DPP10: variants seen among roughly 807,000 people sequenced by gnomAD.
DPP10 encodes dipeptidyl peptidase like 10.
A neutral mutation model predicts 120.9 loss-of-function variants in DPP10; 33 were observed. That is an observed-to-expected ratio of 0.27 (90% CI 0.21 to 0.37). The LOEUF (loss-of-function observed/expected upper bound fraction) is 0.37. Among genes scored for constraint, DPP10 ranks in the 10% least tolerant of loss-of-function variants. DPP10 has a pLI of 1.00. For synonymous variants in DPP10, 337 were observed against 326.1 expected, an observed-to-expected ratio of 1.03 and a Z score of -0.36; for missense variants, 816 against 942.8, an observed-to-expected ratio of 0.87 and a Z score of 1.76.
intron 7 of DPP10, among the ~76,000 whole-genome samples, chr2:115,705,702 TG>T (rs2092075607): frequency 6.6e-6 from 1 of 151,984 alleles, no homozygotes; most frequent in Non-Finnish European, 1.5e-5. Flanking sequence ...ACCACTTTTT[TG>T]TTGTTGTTTA....
At chr2:114,549,720 G>A (rs1687727434) in intron 1 of DPP10, among the ~76,000 whole-genome samples, 1 of 149,242 alleles carries the variant, frequency 6.7e-6, no homozygotes, top group South Asian at 2.2e-4. Flanking sequence ...AAAACATGTG[G>A]GTACAAACAG....
chr2:115,430,242 G>A (rs1002620925), intron 3 of DPP10, among the ~76,000 whole-genome samples: 1 of 152,078 alleles, frequency 6.6e-6, no homozygotes, highest in Non-Finnish European at 1.5e-5. Context: ...TGAATACAAG[G>A]TCAGTGCTCA....
chr2:115,219,170 A>G (rs2056999841), intron 1 of DPP10, among the ~76,000 whole-genome samples: 1 of 152,156 alleles, frequency 6.6e-6, no homozygotes, highest in South Asian at 2.1e-4. Flanking sequence ...TTAATTTTTC[A>G]TCCCAAGATG....
intron 1 of DPP10, among the ~76,000 whole-genome samples, chr2:114,643,881 ATGTG>A (rs760304812): frequency 7.0e-6 from 1 of 143,872 alleles, no homozygotes; most frequent in Non-Finnish European, 1.5e-5. Context: ...GTGTGTGTGT[ATGTG>A]TGTGTGTGTA....
intron 5 of DPP10, among the ~76,000 whole-genome samples, chr2:115,620,762 A>T (rs1443376090): frequency 6.6e-6 from 1 of 152,222 alleles, no homozygotes; most frequent in Non-Finnish European, 1.5e-5. Flanking sequence ...ATAGTTATTT[A>T]GGTAACTTCC....
intron 1 of DPP10, among the ~76,000 whole-genome samples, chr2:114,680,481 T>C (rs1021806002): frequency 2.0e-5 from 3 of 152,032 alleles, no homozygotes; most frequent in African/African-American, 7.2e-5. Context: ...ATTTATTCCC[T>C]AGATTCCTAC....
At position 114,727,293 on chromosome 2, in the gene DPP10, A is replaced by G. The variant is rs149144610; in HGVS notation, c.60+284455A>G. 4.3e-3 allele frequency among the ~76,000 whole-genome samples: 657 copies of G among 152,278 alleles called. 6 individuals are homozygous for G. The highest frequency in any genetic ancestry group is 0.015 in the African/African-American group (616 of 41,574). ...AGAAGCTCAGTGTGCTTCTGGTGAC[A>G]AGGTCTTCAGAGACTCTTCCTCGAG... On this transcript the variant is annotated intron_variant, in intron 1 of 25. Coordinates refer to ENST00000410059, the MANE Select transcript of DPP10 (RefSeq NM_020868.6).
intron 1 of DPP10, among the ~76,000 whole-genome samples, chr2:114,456,450 T>C (rs1678590822): frequency 6.6e-6 from 1 of 152,158 alleles, no homozygotes; most frequent in African/African-American, 2.4e-5. Context: ...AGGGTAAGAA[T>C]ATTAACAATA....
At chr2:115,195,683 A>T (rs770435615) in intron 1 of DPP10, among the ~76,000 whole-genome samples, 45 of 151,982 alleles carry the variant, frequency 3.0e-4, no homozygotes, top group Non-Finnish European at 5.3e-4. Flanking sequence ...TTTTTTGTTC[A>T]TTTAGAAGTG....
At chr2:115,178,181 GTTTA>G (rs2053833900) in intron 1 of DPP10, among the ~76,000 whole-genome samples, 3 of 152,020 alleles carry the variant, frequency 2.0e-5, no homozygotes, top group Admixed American at 1.3e-4. Flanking sequence ...GTGCAGGTGT[GTTTA>G]CTGTGCCCTT....
chr2:115,817,767 T>TG lies in DPP10; in HGVS notation c.1950+2039dup, dbSNP rs1687411495. ...TATATTAAAAAGTGAAATGAAATCC[T>TG]GTCTCAGACTGCAGCACTGTTAAGC... On this transcript the variant is annotated intron_variant, in intron 21 of 25. Coordinates refer to ENST00000410059, the MANE Select transcript of DPP10 (RefSeq NM_020868.6). 4.6e-5 allele frequency among the ~76,000 whole-genome samples: 7 copies of TG among 152,232 alleles called. No homozygotes were observed. The South Asian group carries it at 1.5e-3, about 32-fold the overall frequency.
chr2:114,777,602 G>C (rs970045788), intron 1 of DPP10, among the ~76,000 whole-genome samples: 5 of 152,020 alleles, frequency 3.3e-5, no homozygotes, highest in African/African-American at 9.7e-5. Context: ...CAGAGTTGCT[G>C]AATGTCTCGT....
chr2:115,816,974 C>T (rs1019716633), intron 21 of DPP10, among the ~76,000 whole-genome samples: 4 of 147,040 alleles, frequency 2.7e-5, no homozygotes, highest in Non-Finnish European at 4.5e-5. Context: ...AAAGGCCAGG[C>T]GCGGTGGCTC....
At chr2:115,061,484 T>C (rs1401908101) in intron 1 of DPP10, among the ~76,000 whole-genome samples, 1 of 152,214 alleles carries the variant, frequency 6.6e-6, no homozygotes, top group African/African-American at 2.4e-5. Flanking sequence ...ACAAATAACA[T>C]ATTTATCATC....
chr2:115,365,408 G>A (rs966555223), intron 3 of DPP10, among the ~76,000 whole-genome samples: 3 of 151,760 alleles, frequency 2.0e-5, no homozygotes, highest in Non-Finnish European at 4.4e-5. Context: ...TAGATTCCAA[G>A]AACTAAAAGT....
intron 9 of DPP10, among the ~76,000 whole-genome samples, chr2:115,741,683 A>C (rs575932637): frequency 6.6e-6 from 1 of 152,286 alleles, no homozygotes; most frequent in South Asian, 2.1e-4. Context: ...GCACAAAGAA[A>C]ATTCAGTCAG....
intron 5 of DPP10, among the ~76,000 whole-genome samples, chr2:115,586,166 A>T (rs1302949884): frequency 6.6e-6 from 1 of 152,138 alleles, no homozygotes; most frequent in East Asian, 1.9e-4. Context: ...CTACTAAAAA[A>T]AATACAAAAA....
At chr2:115,027,602 G>A (rs1304141424) in intron 1 of DPP10, among the ~76,000 whole-genome samples, 2 of 151,778 alleles carry the variant, frequency 1.3e-5, no homozygotes, top group East Asian at 3.9e-4. Context: ...CTTTTTTTGT[G>A]GTGTGTTTTT....
chr2:115,235,156 A>G (rs2105516067), intron 1 of DPP10, among the ~76,000 whole-genome samples: 1 of 152,310 alleles, frequency 6.6e-6, no homozygotes, highest in East Asian at 1.9e-4. Flanking sequence ...ATTGCTTTAG[A>G]AAACCTCTGT....
Sources: gnomAD v4.1 joint callset for allele counts (sites outside exome capture counted in the v4.1 genomes callset) on GRCh38, gnomAD v4.1.1 for gene constraint, MANE v1.5 for transcripts, NCBI Gene and HGNC (gene_info 2026-07-23, HGNC 2026-07-21) for gene names.